Variants in DAAM1 observed in about 807,000 individuals in gnomAD.
The protein encoded by DAAM1 is dishevelled associated activator of morphogenesis 1.
Under a neutral mutation model 130.0 loss-of-function variants are expected in DAAM1, and 52 were observed. The ratio of observed to expected loss-of-function variants is 0.40; its 90% CI spans 0.32 to 0.50. DAAM1 has a LOEUF of 0.50. Among genes scored for constraint, DAAM1 ranks in the 20% least tolerant of loss-of-function variants. The pLI is 0.61. For missense variants in DAAM1, 1,134 were observed against 1,303.8 expected, an observed-to-expected ratio of 0.87 and a Z score of 2.01; for synonymous variants, 452 against 444.5, an observed-to-expected ratio of 1.02 and a Z score of -0.21.
intron 17 of DAAM1, among the ~76,000 whole-genome samples, chr14:59,350,779 A>G (rs1339784875): frequency 6.6e-6 from 1 of 152,022 alleles, no homozygotes; most frequent in Non-Finnish European, 1.5e-5. Flanking sequence ...CTCTGGCTGC[A>G]TCTCCTTGGC....
chr14:59,236,165 G>A (rs1889290150), intron 1 of DAAM1, among the ~76,000 whole-genome samples: 1 of 151,706 alleles, frequency 6.6e-6, no homozygotes, highest in Admixed American at 6.6e-5. Context: ...CATTAATAGT[G>A]TTCTTTCCTG....
intron 1 of DAAM1, among the ~76,000 whole-genome samples, chr14:59,239,964 C>T (rs1008264467): frequency 2.0e-5 from 3 of 152,100 alleles, no homozygotes; most frequent in African/African-American, 7.2e-5. Flanking sequence ...AAATTTGTTT[C>T]CAAAATGGGA....
rs1433732526 is a variant in DAAM1 at position 59,369,564 on chromosome 14, C to T, written c.*705C>T. 2 of 152,174 alleles carry T rather than the reference C, an allele frequency of 1.3e-5. No homozygotes were observed. The highest frequency in any genetic ancestry group is 4.8e-5 in the African/African-American group (2 of 41,306). The allele number at this position is 152,174 out of a possible 1,614,324, so 9.4% of individuals were successfully genotyped here. A position where few individuals can be genotyped will look rare whatever the true frequency, so the allele number is the denominator to read the frequency against. ...CCCTGATTTCATCAAGTTATCTCTG[C>T]CAAGTGCTCTTGATAATTTCTTCAG... On this transcript the variant is annotated 3_prime_UTR_variant, in exon 25 of 25. Transcript: ENST00000360909.
chr14:59,208,920 C>G (rs1290641625), intron 1 of DAAM1, among the ~76,000 whole-genome samples: 1 of 152,198 alleles, frequency 6.6e-6, no homozygotes, highest in Admixed American at 6.5e-5. Flanking sequence ...ACTGGCTTCC[C>G]TCTTCACCTT....
At position 59,368,853 on chromosome 14, in the gene DAAM1, T is replaced by C. The variant is rs1222756218; in HGVS notation, c.3201T>C (p.Asn1067=). The change falls in exon 25 of 25, where the codon AAT becomes AAC. Residue 1067 remains asparagine, a synonymous_variant. Transcript: ENST00000360909. ...SSRERPITKL[N]F ...GAGAGAGACCAATCACAAAACTTAATTTCTAATTTTCCATGAATACTTTTT... is the reference window on the plus strand; with the variant it reads ...GAGAGAGACCAATCACAAAACTTAACTTCTAATTTTCCATGAATACTTTTT... The C allele has an allele frequency of 5.0e-6, 8 of 1,612,814 alleles. No individual in the cohort carries two copies. Among genetic ancestry groups the C allele is most frequent in the Admixed American group, 1.7e-5 (1 of 59,860 alleles).
At chr14:59,311,534 A>G (rs1234342204) in intron 3 of DAAM1, among the ~76,000 whole-genome samples, 1 of 150,568 alleles carries the variant, frequency 6.6e-6, no homozygotes, top group Non-Finnish European at 1.5e-5. Flanking sequence ...AAAAATTTGC[A>G]TGGTATAGAA....
chr14:59,286,940 A>G (rs1215926826), intron 2 of DAAM1, among the ~76,000 whole-genome samples: 3 of 152,156 alleles, frequency 2.0e-5, no homozygotes, highest in African/African-American at 4.8e-5. Context: ...CTCTAAAACC[A>G]GCATCACCCT....
intron 2 of DAAM1, among the ~76,000 whole-genome samples, chr14:59,269,939 A>G (rs17255507): frequency 0.067 from 10,228 of 152,256 alleles, 436 homozygotes; most frequent in Non-Finnish European, 0.098. Context: ...TGGGAAAGGT[A>G]TGTTTGGGAT....
chr14:59,215,920 C>A (rs745948716), intron 1 of DAAM1, among the ~76,000 whole-genome samples: 2 of 152,148 alleles, frequency 1.3e-5, no homozygotes, highest in African/African-American at 4.8e-5. Context: ...CTTAGGACAG[C>A]CTTTCTCACG....
chr14:59,205,526 A>C (rs1006409767), intron 1 of DAAM1, among the ~76,000 whole-genome samples: 1 of 152,222 alleles, frequency 6.6e-6, no homozygotes, highest in Admixed American at 6.5e-5. Context: ...GGAGAAAGAC[A>C]TTTGAGTTTT....
At chr14:59,214,474 T>G (rs1311050007) in intron 1 of DAAM1, among the ~76,000 whole-genome samples, 2 of 152,242 alleles carry the variant, frequency 1.3e-5, no homozygotes, top group Non-Finnish European at 2.9e-5. Flanking sequence ...GGCAATAGTT[T>G]CAACTTCGTT....
chr14:59,331,227 A>G lies in DAAM1; in HGVS notation c.1579A>G (p.Ile527Val), dbSNP rs747287197. 3 of 1,612,906 alleles carry G rather than the reference A, an allele frequency of 1.9e-6. No homozygotes were observed. Among genetic ancestry groups the G allele is most frequent in the South Asian group, 2.2e-5 (2 of 91,012 alleles). Reference protein sequence around the residue: ...ELSRRAVCASIPGGPSPGAPG... With the variant: ...ELSRRAVCASVPGGPSPGAPG... ...TTTTCAGAGGGCCGTCTGTGCTTCA[A>G]TCCCAGGTGGACCCTCGCCTGGAGC... is the stretch of plus-strand genomic sequence containing the variant. Residue 527 changes from isoleucine (I) to valine (V), a missense_variant, in exon 14 of 25, where the codon ATC (isoleucine) becomes GTC (valine). Transcript: ENST00000360909.
At chr14:59,346,139 G>GT (rs1491575160) in intron 16 of DAAM1, among the ~76,000 whole-genome samples, 250 of 7,262 alleles carry the variant, frequency 0.034, 1 homozygote, top group African/African-American at 0.049. Context: ...CCTTTTTTTT[G>GT]GGGGGGGGGG....
chr14:59,274,204 T>C (rs1378022846), intron 2 of DAAM1, among the ~76,000 whole-genome samples: 3 of 152,172 alleles, frequency 2.0e-5, no homozygotes, highest in Non-Finnish European at 4.4e-5. Context: ...GTTGGCAAGA[T>C]CCAAAAGCAG....
At chr14:59,244,374 C>T (rs1347944281) in intron 1 of DAAM1, among the ~76,000 whole-genome samples, 1 of 151,848 alleles carries the variant, frequency 6.6e-6, no homozygotes, top group Non-Finnish European at 1.5e-5. Context: ...AAAAACAGAC[C>T]ACCCCCTCTA....
intron 2 of DAAM1, among the ~76,000 whole-genome samples, chr14:59,283,750 G>A (rs974535659): frequency 3.9e-5 from 6 of 152,130 alleles, no homozygotes; most frequent in African/African-American, 1.2e-4. Context: ...GCATATTTTA[G>A]GCCATGACTA....
chr14:59,354,329 G>A (rs1886396862), intron 19 of DAAM1, among the ~76,000 whole-genome samples: 1 of 152,122 alleles, frequency 6.6e-6, no homozygotes, highest in Non-Finnish European at 1.5e-5. Context: ...CAAAGTGCTG[G>A]GATTACAGGC....
chr14:59,255,863 G>A (rs1016091861), intron 1 of DAAM1, among the ~76,000 whole-genome samples: 2 of 152,196 alleles, frequency 1.3e-5, no homozygotes, highest in African/African-American at 4.8e-5. Context: ...TATAATAGAA[G>A]TGGGGAAGAA....
At chr14:59,229,380 A>C in intron 1 of DAAM1, among the ~76,000 whole-genome samples, 1 of 152,232 alleles carries the variant, frequency 6.6e-6, no homozygotes, top group East Asian at 1.9e-4. Context: ...TAAATGATGT[A>C]GCATTGCATG....
Sources: gnomAD v4.1 joint callset for allele counts (sites outside exome capture counted in the v4.1 genomes callset) on GRCh38, gnomAD v4.1.1 for gene constraint, MANE v1.5 for transcripts, NCBI Gene and HGNC (gene_info 2026-07-23, HGNC 2026-07-21) for gene names.